The following KLHDC1 variants were observed in gnomAD, a reference collection of about 807,000 sequenced individuals.
KLHDC1 encodes kelch domain-containing protein 1.
A neutral mutation model predicts 68.3 loss-of-function variants in KLHDC1; 53 were observed. The observed-to-expected ratio is 0.78, with a 90% CI of 0.62 to 0.98. The LOEUF (loss-of-function observed/expected upper bound fraction) is 0.98. Ranked by LOEUF, KLHDC1 falls within the 50% of genes least tolerant of loss-of-function variation. KLHDC1 has a pLI of 0.00. For missense variants in KLHDC1, 470 were observed against 492.3 expected (o/e 0.95, Z 0.43); for synonymous variants, 148 against 159.0 (o/e 0.93, Z 0.52).
At chr14:49,706,585 T>C (rs1297547659) in intron 1 of KLHDC1, among the ~76,000 whole-genome samples, 2 of 152,240 alleles carry the variant, frequency 1.3e-5, no homozygotes, top group African/African-American at 4.8e-5. Flanking sequence ...TGTACTAATT[T>C]ACATTCCCAC....
rs144749547 is a variant in KLHDC1 at position 49,703,074 on chromosome 14, A to AAT, written c.97-6077_97-6076dup. 1.4e-4 allele frequency among the ~76,000 whole-genome samples: 21 copies of AAT among 152,092 alleles called. 1 individual carries two copies. Among genetic ancestry groups the AAT allele is most frequent in the Middle Eastern group, 6.8e-3 (2 of 292 alleles). ...TTATTTACTTAATTTTTGAATTTGA[A>AAT]ATATATATACAATAGAATGTATAAA... On this transcript the variant is annotated intron_variant, in intron 1 of 12. Transcript: ENST00000359332.
At chr14:49,715,755 A>ATATATATATATATATAT (rs1190003555) in intron 4 of KLHDC1, among the ~76,000 whole-genome samples, 4 of 127,230 alleles carry the variant, frequency 3.1e-5, no homozygotes, top group African/African-American at 1.2e-4. Flanking sequence ...AAAAAAAAAA[A>ATATATATATATATATAT]AAAAAAAAAA....
intron 4 of KLHDC1, among the ~76,000 whole-genome samples, chr14:49,718,616 T>C (rs950086258): frequency 1.3e-5 from 2 of 152,090 alleles, no homozygotes; most frequent in African/African-American, 4.8e-5. Context: ...TTCTGTAGTA[T>C]CAGTAGTAAT....
chr14:49,714,380 G>C (rs184259236), intron 4 of KLHDC1, among the ~76,000 whole-genome samples: 1 of 151,956 alleles, frequency 6.6e-6, no homozygotes, highest in Admixed American at 6.6e-5. Flanking sequence ...GGATGAGGCA[G>C]AACAATGGCT....
chr14:49,720,588 C>T (rs1195457354), intron 4 of KLHDC1, among the ~76,000 whole-genome samples: 1 of 151,496 alleles, frequency 6.6e-6, no homozygotes, highest in Non-Finnish European at 1.5e-5. Context: ...GTGTGCTGAG[C>T]TTCTTGGGTT....
intron 4 of KLHDC1, among the ~76,000 whole-genome samples, chr14:49,718,050 C>T (rs188842993): frequency 1.3e-5 from 2 of 151,568 alleles, no homozygotes; most frequent in African/African-American, 4.8e-5. Flanking sequence ...CCATCCCTGA[C>T]TAAGATTTTT....
At chr14:49,728,361 T>C (rs1888722561) in intron 6 of KLHDC1, among the ~76,000 whole-genome samples, 1 of 152,218 alleles carries the variant, frequency 6.6e-6, no homozygotes, top group Non-Finnish European at 1.5e-5. Context: ...AAAGGTCTGC[T>C]ATATTTATTC....
intron 1 of KLHDC1, among the ~76,000 whole-genome samples, chr14:49,698,536 G>T (rs1233682454): frequency 6.8e-6 from 1 of 147,814 alleles, no homozygotes; most frequent in East Asian, 2.0e-4. Context: ...TGTTTTTTGA[G>T]ACAGAGTATC....
intron 4 of KLHDC1, among the ~76,000 whole-genome samples, chr14:49,717,407 G>T (rs898766421): frequency 6.6e-6 from 1 of 152,056 alleles, no homozygotes; most frequent in Non-Finnish European, 1.5e-5. Context: ...TTTAATAATA[G>T]TTATACTAGC....
intron 12 of KLHDC1, among the ~76,000 whole-genome samples, chr14:49,745,266 G>A (rs1444618974): frequency 6.6e-6 from 1 of 152,170 alleles, no homozygotes; most frequent in African/African-American, 2.4e-5. Flanking sequence ...CCTTCTCTTA[G>A]CACAGTAGTT....
intron 4 of KLHDC1, 39 bp downstream of exon 4, chr14:49,710,420 A>T: frequency 9.8e-7 from 1 of 1,021,898 alleles, no homozygotes; most frequent in Non-Finnish European, 1.5e-6. Context: ...ATGTCTACCT[A>T]AGCAAAGATA....
intron 4 of KLHDC1, among the ~76,000 whole-genome samples, chr14:49,713,059 C>T (rs1335751163): frequency 6.6e-6 from 1 of 151,478 alleles, no homozygotes; most frequent in Non-Finnish European, 1.5e-5. Flanking sequence ...ACGCCATTCT[C>T]CTGCCTCAGC....
Position 49,706,834 on chromosome 14 carries a change from A to G in KLHDC1, c.97-2325A>G, listed in dbSNP as rs527569668. 9.9e-5 allele frequency among the ~76,000 whole-genome samples: 15 copies of G among 152,088 alleles called. No homozygotes were observed. The East Asian group carries it at 2.9e-3, about 29-fold the overall frequency. ...GCCCATTTTTAAATTAGATTGTTAG[A>G]TTTTTTTCCTGTAGAGTCGTTTGAG... On this transcript the variant is annotated intron_variant, in intron 1 of 12. Coordinates refer to ENST00000359332, the MANE Select transcript of KLHDC1 (RefSeq NM_172193.3).
intron 1 of KLHDC1, among the ~76,000 whole-genome samples, chr14:49,701,112 A>G (rs185566537): frequency 6.6e-6 from 1 of 152,144 alleles, no homozygotes; most frequent in Non-Finnish European, 1.5e-5. Context: ...AAAAAACTAC[A>G]AAAACAGCCA....
intron 1 of KLHDC1, among the ~76,000 whole-genome samples, chr14:49,702,871 C>T (rs1411983680): frequency 6.6e-6 from 1 of 152,162 alleles, no homozygotes; most frequent in Non-Finnish European, 1.5e-5. Flanking sequence ...GCCTGCAATA[C>T]AGTTTAGGAA....
intron 1 of KLHDC1, among the ~76,000 whole-genome samples, chr14:49,697,226 T>C (rs1297426177): frequency 6.6e-6 from 1 of 152,202 alleles, no homozygotes; most frequent in African/African-American, 2.4e-5. Flanking sequence ...TGAGCCACCA[T>C]GCCTGGCAAG....
intron 1 of KLHDC1, 47 bp downstream of exon 1, chr14:49,693,337 C>G (rs1887624984): frequency 1.6e-6 from 2 of 1,286,780 alleles, no homozygotes; most frequent in East Asian, 6.3e-5. Flanking sequence ...GGGAGACCCT[C>G]GGCCTGAGCG....
At chr14:49,750,517 C>T (rs1889298462) in intron 12 of KLHDC1, among the ~76,000 whole-genome samples, 1 of 152,030 alleles carries the variant, frequency 6.6e-6, no homozygotes, top group African/African-American at 2.4e-5. Context: ...TAGAGTTGTT[C>T]CAGAGTGGAG....
At chr14:49,738,193 A>C (rs1044223592) in intron 10 of KLHDC1, among the ~76,000 whole-genome samples, 3 of 152,006 alleles carry the variant, frequency 2.0e-5, no homozygotes. Flanking sequence ...ATTTGTTAAT[A>C]ATGTGATATT....
Sources: gnomAD v4.1 joint callset for allele counts (sites outside exome capture counted in the v4.1 genomes callset) on GRCh38, gnomAD v4.1.1 for gene constraint, MANE v1.5 for transcripts, NCBI Gene and HGNC (gene_info 2026-07-23, HGNC 2026-07-21) for gene names.